Variants in SMYD3 observed in about 807,000 individuals in gnomAD.
SMYD3 encodes the protein histone-lysine N-methyltransferase SMYD3.
Under a neutral mutation model 57.7 loss-of-function variants are expected in SMYD3, and 36 were observed. That is an observed-to-expected ratio of 0.62 (90% CI 0.48 to 0.82). The LOEUF (loss-of-function observed/expected upper bound fraction) is 0.82. Among genes scored for constraint, SMYD3 ranks in the 40% least tolerant of loss-of-function variants. The pLI is 0.00. For missense variants in SMYD3, 515 were observed against 538.8 expected (o/e 0.96, Z 0.44); for synonymous variants, 211 against 195.0 (o/e 1.08, Z -0.68).
intron 8 of SMYD3, among the ~76,000 whole-genome samples, chr1:245,892,074 G>A (rs914572638): frequency 1.3e-5 from 2 of 151,908 alleles, no homozygotes; most frequent in South Asian, 4.2e-4. Flanking sequence ...AACCACCCCA[G>A]CACAGTGACC....
At chr1:246,119,304 T>C (rs1414662115) in intron 5 of SMYD3, among the ~76,000 whole-genome samples, 1 of 151,498 alleles carries the variant, frequency 6.6e-6, no homozygotes. Context: ...AGCCAAGACT[T>C]CTCCTATTTG....
At chr1:246,446,762 G>C (rs1418230203) in intron 1 of SMYD3, among the ~76,000 whole-genome samples, 1 of 152,124 alleles carries the variant, frequency 6.6e-6, no homozygotes, top group Non-Finnish European at 1.5e-5. Flanking sequence ...GGGCGCTGTG[G>C]CTCACGCCTG....
intron 5 of SMYD3, among the ~76,000 whole-genome samples, chr1:246,227,538 G>T (rs1001170532): frequency 2.0e-5 from 3 of 152,008 alleles, no homozygotes; most frequent in Non-Finnish European, 4.4e-5. Flanking sequence ...TCACTTGAAC[G>T]TGGGAGGCGG....
intron 1 of SMYD3, among the ~76,000 whole-genome samples, chr1:246,416,688 C>T (rs2067067017): frequency 6.6e-6 from 1 of 151,928 alleles, no homozygotes; most frequent in South Asian, 2.1e-4. Context: ...TATTGGGGCT[C>T]AGAAAATGAT....
chr1:245,980,973 TAAGA>T (rs1424598523), intron 5 of SMYD3, among the ~76,000 whole-genome samples: 1 of 152,226 alleles, frequency 6.6e-6, no homozygotes, highest in East Asian at 1.9e-4. Flanking sequence ...AAAGCAGTTC[TAAGA>T]AAGACGGTAT....
chr1:246,044,182 T>C (rs182530655), intron 5 of SMYD3, among the ~76,000 whole-genome samples: 119 of 152,346 alleles, frequency 7.8e-4, no homozygotes, highest in Admixed American at 1.8e-3. Flanking sequence ...TCACAGTGCA[T>C]TTTTATAAAT....
chr1:245,987,450 C>A (rs1216106404), intron 5 of SMYD3, among the ~76,000 whole-genome samples: 2 of 151,880 alleles, frequency 1.3e-5, no homozygotes, highest in Non-Finnish European at 2.9e-5. Flanking sequence ...TAAAAAAGAT[C>A]TAGAAAAAAA....
chr1:245,881,255 G>T (rs939965757), intron 8 of SMYD3, among the ~76,000 whole-genome samples: 1 of 152,156 alleles, frequency 6.6e-6, no homozygotes, highest in African/African-American at 2.4e-5. Flanking sequence ...CCAGGGGCAT[G>T]AACTGCAAGC....
intron 5 of SMYD3, among the ~76,000 whole-genome samples, chr1:246,150,557 G>A (rs924487691): frequency 6.6e-6 from 1 of 152,158 alleles, no homozygotes; most frequent in Non-Finnish European, 1.5e-5. Flanking sequence ...TGCTAATTCT[G>A]TACATACTGT....
intron 5 of SMYD3, among the ~76,000 whole-genome samples, chr1:246,213,558 G>C (rs1272207881): frequency 6.6e-6 from 1 of 152,162 alleles, no homozygotes; most frequent in Non-Finnish European, 1.5e-5. Context: ...GCACACCCAA[G>C]TTTGCTAGAA....
intron 5 of SMYD3, among the ~76,000 whole-genome samples, chr1:246,184,997 A>G (rs1220177698): frequency 6.6e-6 from 1 of 152,208 alleles, no homozygotes; most frequent in East Asian, 1.9e-4. Flanking sequence ...TTTGTTTCTT[A>G]CATTTCCTAA....
intron 5 of SMYD3, among the ~76,000 whole-genome samples, chr1:246,251,238 G>A (rs1038436342): frequency 2.6e-5 from 4 of 152,302 alleles, no homozygotes; most frequent in Admixed American, 2.0e-4. Context: ...AGGCTTCACA[G>A]GGGAACATTC....
chr1:246,392,228 G>A (rs536806142), intron 1 of SMYD3, among the ~76,000 whole-genome samples: 6 of 152,196 alleles, frequency 3.9e-5, no homozygotes, highest in South Asian at 4.1e-4. Context: ...CATGTAGGAA[G>A]GACCAAGGTT....
At chr1:245,968,224 C>G (rs2148015428) in intron 5 of SMYD3, among the ~76,000 whole-genome samples, 1 of 133,094 alleles carries the variant, frequency 7.5e-6, no homozygotes, top group South Asian at 2.8e-4. Flanking sequence ...AATGGCCCCC[C>G]TCTGCTCACC....
intron 5 of SMYD3, chr1:245,953,118 A>G (rs1572777133): frequency 2.8e-6 from 2 of 706,282 alleles, no homozygotes; most frequent in Middle Eastern, 1.4e-3. Context: ...GATAAAAATA[A>G]ACACCTTTGG....
intron 8 of SMYD3, among the ~76,000 whole-genome samples, chr1:245,903,977 T>C (rs887535129): frequency 1.3e-5 from 2 of 152,220 alleles, no homozygotes; most frequent in African/African-American, 4.8e-5. Flanking sequence ...TTTGGCTCCT[T>C]GTTTCTTATG....
intron 5 of SMYD3, among the ~76,000 whole-genome samples, chr1:245,978,784 C>A (rs1472598140): frequency 1.3e-5 from 2 of 152,136 alleles, no homozygotes; most frequent in South Asian, 2.1e-4. Flanking sequence ...AACTCCTCTC[C>A]CATTTCTCAT....
At chr1:245,769,972 C>T (rs2046270705) in intron 10 of SMYD3, among the ~76,000 whole-genome samples, 1 of 152,180 alleles carries the variant, frequency 6.6e-6, no homozygotes, top group Admixed American at 6.5e-5. Flanking sequence ...GCATCCAGTT[C>T]AATCCAGCAG....
intron 5 of SMYD3, among the ~76,000 whole-genome samples, chr1:245,957,345 C>T (rs1458489917): frequency 6.6e-6 from 1 of 152,162 alleles, no homozygotes; most frequent in Non-Finnish European, 1.5e-5. Context: ...TTCCTGTTTT[C>T]AATATTCAAT....
Sources: gnomAD v4.1 joint callset for allele counts (sites outside exome capture counted in the v4.1 genomes callset) on GRCh38, gnomAD v4.1.1 for gene constraint, MANE v1.5 for transcripts, NCBI Gene and HGNC (gene_info 2026-07-23, HGNC 2026-07-21) for gene names.